CASR: variants seen among roughly 807,000 people sequenced by gnomAD.
CASR encodes calcium sensing receptor.
A neutral mutation model predicts 69.1 loss-of-function variants in CASR; 23 were observed. That is an observed-to-expected ratio of 0.33 (90% confidence interval 0.24 to 0.47). CASR has a LOEUF of 0.47. Ranked by LOEUF, CASR falls within the 20% of genes least tolerant of loss-of-function variation. The pLI, the probability that CASR is intolerant of heterozygous loss-of-function variation, is 1.00. For synonymous variants in CASR, 541 were observed against 544.7 expected, an observed-to-expected ratio of 0.99 and a Z score of 0.10; for missense variants, 924 against 1,356.1, an observed-to-expected ratio of 0.68 and a Z score of 5.00.
At chr3:122,246,082 G>A (rs980472861) in intron 1 of CASR, among the ~76,000 whole-genome samples, 5 of 152,098 alleles carry the variant, frequency 3.3e-5, no homozygotes, top group African/African-American at 4.8e-5. Flanking sequence ...TGATTCAAAC[G>A]TTCATGTGTC....
chr3:122,269,531 C>T (rs1398251352), intron 4 of CASR, among the ~76,000 whole-genome samples: 1 of 152,138 alleles, frequency 6.6e-6, no homozygotes, highest in South Asian at 2.1e-4. Context: ...ACCTTTCGTT[C>T]CTGGGATTAA....
At chr3:122,266,048 ATCT>A in intron 4 of CASR, among the ~76,000 whole-genome samples, 1 of 152,154 alleles carries the variant, frequency 6.6e-6, no homozygotes, top group Admixed American at 6.5e-5. Context: ...GAACTTCATT[ATCT>A]TGTTCATTAT....
chr3:122,186,930 A>C (rs1299740021), intron 1 of CASR, among the ~76,000 whole-genome samples: 5 of 152,214 alleles, frequency 3.3e-5, no homozygotes, highest in African/African-American at 1.2e-4. Flanking sequence ...TTGGGAAAGA[A>C]TGCTTTGTTA....
chr3:122,277,266 C>T (rs550009847), intron 5 of CASR, among the ~76,000 whole-genome samples: 1 of 152,124 alleles, frequency 6.6e-6, no homozygotes, highest in African/African-American at 2.4e-5. Context: ...AGGCTGGTCA[C>T]GAACTCCTGA....
intron 4 of CASR, among the ~76,000 whole-genome samples, chr3:122,270,356 C>T (rs1210936096): frequency 6.6e-6 from 1 of 152,142 alleles, no homozygotes; most frequent in Non-Finnish European, 1.5e-5. Flanking sequence ...TGTCACTTCT[C>T]GAATTTATCA....
At position 122,284,591 on chromosome 3, in the gene CASR, C is replaced by T. The variant is rs1576878230; in HGVS notation, c.2637C>T (p.His879=). 3 of 1,614,072 alleles carry T rather than the reference C, an allele frequency of 1.9e-6. No homozygotes were observed. The highest frequency in any genetic ancestry group is 1.7e-5 in the Admixed American group (1 of 60,014). The part of the protein sequence containing the change: ...IEEVRCSTAA[H]AFKVAARATL... ...AGGTGCGTTGCAGCACCGCAGCTCACGCTTTCAAGGTGGCTGCCCGGGCCA... is the reference window on the plus strand; with the variant it reads ...AGGTGCGTTGCAGCACCGCAGCTCATGCTTTCAAGGTGGCTGCCCGGGCCA... Residue 879 remains histidine (H), a synonymous_variant, in exon 7 of 7, where the codon CAC becomes CAT. Coordinates refer to ENST00000639785, the MANE Select transcript of CASR (RefSeq NM_000388.4).
Position 122,261,886 on chromosome 3 carries a change from T to A in CASR, c.851T>A (p.Val284Asp). ...CTTGAGCCCCTCATCAAGGAGATTG[T>A]CCGGCGCAATATCACGGGCAAGATC... ...PDLEPLIKEIVRRNITGKIWL... is the reference protein window; with the variant it reads ...PDLEPLIKEIDRRNITGKIWL... The change falls in exon 4 of 7, where the codon GTC becomes GAC. Residue 284 changes from valine to aspartate, a missense_variant. This residue lies in a region of CASR where 310 missense variants were observed against 395.7 expected (regional missense o/e 0.78). Coordinates refer to ENST00000639785, the MANE Select transcript of CASR (RefSeq NM_000388.4). 1 of 1,614,180 alleles carries A rather than the reference T, an allele frequency of 6.2e-7. No individual in the cohort carries two copies. The highest frequency in any genetic ancestry group is 1.3e-5 in the African/African-American group (1 of 75,046).
Position 122,262,242 on chromosome 3 carries a change from A to T in CASR, c.1207A>T (p.Ser403Cys), listed in dbSNP as rs779219555. ...PLCTGDENIS[S>C]VETPYIDYTH... ...CTGTACAGGGGATGAGAACATCAGCAGTGTCGAGACCCCTTACATAGATTA... is the reference window on the plus strand; with the variant it reads ...CTGTACAGGGGATGAGAACATCAGCTGTGTCGAGACCCCTTACATAGATTA... The change falls in exon 4 of 7, where the codon AGT (serine) becomes TGT (cysteine). Residue 403 changes from serine to cysteine, a missense_variant. By Grantham distance (112) the Ser-to-Cys change is moderately radical. Around this residue, in one of 8 missense-constraint regions of CASR, gnomAD observed 310 missense variants for 395.7 expected, o/e 0.78. Transcript: ENST00000639785. The T allele has an allele frequency of 6.2e-7, 1 of 1,614,232 alleles. No individual in the cohort carries two copies. Among genetic ancestry groups the T allele is most frequent in the South Asian group, 1.1e-5 (1 of 91,084 alleles).
Position 122,285,036 on chromosome 3 carries a change from C to T in CASR, c.3082C>T (p.Gln1028Ter), listed in dbSNP as rs1290267062. 2 of 1,614,200 alleles carry T rather than the reference C, an allele frequency of 1.2e-6. No homozygotes were observed. Among genetic ancestry groups the T allele is most frequent in the East Asian group, 4.5e-5 (2 of 44,884 alleles). Residue 1028 changes from glutamine to a stop codon, truncating the protein, a stop_gained, in exon 7 of 7, where the codon CAG becomes TAG. Coordinates refer to ENST00000639785, the MANE Select transcript of CASR (RefSeq NM_000388.4). LOFTEE classifies it low-confidence loss of function (END_TRUNC). The stretch of plus-strand genomic sequence containing the variant: ...GGAAACGGACTTAGATCTGACCGTC[C>T]AGGAAACAGGTCTGCAAGGACCTGT... The part of the protein sequence containing the change: ...CGETDLDLTV[Q>*]ETGLQGPVGG...
intron 3 of CASR, among the ~76,000 whole-genome samples, chr3:122,258,781 T>C (rs1011639542): frequency 6.6e-6 from 1 of 152,146 alleles, no homozygotes; most frequent in African/African-American, 2.4e-5. Flanking sequence ...TGGCTACCTA[T>C]TGGAATCACT....
chr3:122,285,546 G>T lies in CASR; in HGVS notation c.*355G>T. On this transcript the variant is annotated 3_prime_UTR_variant, in exon 7 of 7. Transcript: ENST00000639785. The stretch of plus-strand genomic sequence containing the variant: ...ACCCTCCAGAGTGTGCAGACTGATG[G>T]GACATCAAATTTGCCACCACTAGAG... 7.5e-6 allele frequency: 2 copies of T among 267,104 alleles called. No individual in the cohort carries two copies. The highest frequency in any genetic ancestry group is 1.5e-5 in the Non-Finnish European group (2 of 137,712). The allele number at this position is 267,104 out of a possible 1,614,324, so 16.5% of individuals were successfully genotyped here. A position where few individuals can be genotyped will look rare whatever the true frequency, so the allele number is the denominator to read the frequency against.
intron 2 of CASR, 90 bp from the exon 3 acceptor site, chr3:122,256,991 C>G: frequency 9.5e-7 from 1 of 1,056,086 alleles, no homozygotes; most frequent in Non-Finnish European, 1.5e-6. Context: ...AGTAACAGTT[C>G]GATGATTCAA....
intron 4 of CASR, among the ~76,000 whole-genome samples, chr3:122,267,712 T>C (rs2074710404): frequency 6.6e-6 from 1 of 152,172 alleles, no homozygotes; most frequent in African/African-American, 2.4e-5. Flanking sequence ...TTACCAAGCA[T>C]ATACATTTGC....
chr3:122,267,177 A>C (rs2074704637), intron 4 of CASR, among the ~76,000 whole-genome samples: 1 of 152,216 alleles, frequency 6.6e-6, no homozygotes, highest in South Asian at 2.1e-4. Flanking sequence ...ATGTGAATTA[A>C]AGGCAAGATA....
chr3:122,192,039 T>A (rs1287726816), intron 1 of CASR, among the ~76,000 whole-genome samples: 1 of 152,230 alleles, frequency 6.6e-6, no homozygotes, highest in Non-Finnish European at 1.5e-5. Flanking sequence ...ATTAAGAAAT[T>A]ATCAGAAATA....
At chr3:122,250,807 G>A (rs1197697568) in intron 1 of CASR, among the ~76,000 whole-genome samples, 1 of 152,160 alleles carries the variant, frequency 6.6e-6, no homozygotes, top group African/African-American at 2.4e-5. Flanking sequence ...AAGTGCTGCA[G>A]GACAAAGTTG....
At chr3:122,265,395 C>T (rs1345015916) in intron 4 of CASR, among the ~76,000 whole-genome samples, 1 of 152,162 alleles carries the variant, frequency 6.6e-6, no homozygotes, top group African/African-American at 2.4e-5. Flanking sequence ...CTCCTGACCT[C>T]TTCTTGGAGA....
Position 122,262,034 on chromosome 3 carries a change from C to T in CASR, c.999C>T (p.Phe333=), listed in dbSNP as rs771072628. 6.2e-7 allele frequency: 1 copy of T among 1,614,172 alleles called. No homozygotes were observed. ...GGCAGATCCCAGGCTTCCGGGAATT[C>T]CTGAAGAAGGTCCATCCCAGGAAGT... The part of the protein sequence containing the change: ...KAGQIPGFRE[F]LKKVHPRKSV... Residue 333 remains phenylalanine, a synonymous_variant, in exon 4 of 7, where the codon TTC becomes TTT. Transcript: ENST00000639785.
At chr3:122,187,095 A>G (rs1188910756) in intron 1 of CASR, among the ~76,000 whole-genome samples, 1 of 152,212 alleles carries the variant, frequency 6.6e-6, no homozygotes, top group African/African-American at 2.4e-5. Context: ...TGAATCATCC[A>G]TATTCCCATT....
Sources: allele counts gnomAD v4.1 joint callset (sites outside exome capture counted in the v4.1 genomes callset), GRCh38; gene constraint gnomAD v4.1.1; regional missense constraint gnomAD v4.1.1; transcripts MANE v1.5; gene names NCBI Gene and HGNC (gene_info 2026-07-23, HGNC 2026-07-21).